Variants in LRRK1 observed in about 807,000 individuals in gnomAD.
LRRK1 encodes the protein leucine rich repeat kinase 1, also known as leucine-rich repeat serine/threonine-protein kinase 1.
A neutral mutation model predicts 209.1 loss-of-function variants in LRRK1; 113 were observed. That is an observed-to-expected ratio of 0.54 (90% CI 0.46 to 0.63). The LOEUF is 0.63. LRRK1 is among the 30% of genes least tolerant of loss of function. The pLI, the probability that LRRK1 is intolerant of heterozygous loss-of-function variation, is 0.00. For synonymous variants in LRRK1, 1,144 were observed against 1,099.7 expected (o/e 1.04, Z -0.80); for missense variants, 2,284 against 2,632.2 (o/e 0.87, Z 2.89).
intron 12 of LRRK1, 91 bp from the exon 13 acceptor site, chr15:101,020,961 AG>A (rs775895772): frequency 1.8e-4 from 253 of 1,430,614 alleles, no homozygotes; most frequent in Admixed American, 2.4e-4. Context: ...TGCCCTCTGG[AG>A]GTTGCATCAG....
intron 12 of LRRK1, among the ~76,000 whole-genome samples, chr15:101,019,599 T>C (rs964370277): frequency 3.3e-5 from 5 of 152,196 alleles, no homozygotes; most frequent in Non-Finnish European, 7.4e-5. Context: ...ACCATTGTTA[T>C]TGCAGCTACA....
intron 4 of LRRK1, among the ~76,000 whole-genome samples, chr15:100,987,207 A>G (rs1551465): frequency 0.32 from 47,902 of 151,712 alleles, 7,731 homozygotes; most frequent in East Asian, 0.5. Flanking sequence ...ATACAGGGCC[A>G]TCCTGACCCC....
rs749241785 is a variant in LRRK1 at position 101,014,443 on chromosome 15, C to T, written c.1532+15C>T. On this transcript the variant is annotated intron_variant, in intron 11 of 33. Coordinates refer to ENST00000388948, the MANE Select transcript of LRRK1 (RefSeq NM_024652.6). ...CAACTTGGCAAGTAAGCAGGGGCCT[C>T]TCCTCCCTGGCCAGTTCCAAAGCGT... is the stretch of plus-strand genomic sequence containing the variant. 2 of 1,559,830 alleles carry T rather than the reference C, an allele frequency of 1.3e-6. No homozygotes were observed. The highest frequency in any genetic ancestry group is 2.7e-5 in the African/African-American group (2 of 74,004).
At position 101,046,089 on chromosome 15, in the gene LRRK1, C is replaced by G. The variant is rs143276193; in HGVS notation, c.3072C>G (p.Pro1024=). The G allele has an allele frequency of 3.2e-4, 511 of 1,614,246 alleles. 1 individual carries two copies. The African/African-American group carries it at 6.3e-3, about 20-fold the overall frequency. Residue 1024 remains proline (P), a synonymous_variant, in exon 21 of 34, where the codon CCC becomes CCG. Transcript: ENST00000388948. ...GGGTATTTAAGATGAGCTTCGTTCC[C>G]GTTGGCTTCTGGCAAAGGTTTATAG... ...IQRVFKMSFV[P]VGFWQRFIAR... is the part of the protein sequence containing the mutation.
chr15:101,034,716 A>C (rs545815920), intron 20 of LRRK1, among the ~76,000 whole-genome samples: 1 of 152,258 alleles, frequency 6.6e-6, no homozygotes, highest in East Asian at 1.9e-4. Flanking sequence ...CTTTTTGCTC[A>C]GGATTGCTTT....
intron 2 of LRRK1, among the ~76,000 whole-genome samples, chr15:100,932,494 T>C (rs541850651): frequency 9.8e-5 from 15 of 152,340 alleles, no homozygotes; most frequent in African/African-American, 3.4e-4. Flanking sequence ...TTAGATTCTT[T>C]CTACCTTTTG....
rs748705944 is a variant in LRRK1 at position 101,068,837 on chromosome 15, A to C, written c.6037A>C (p.Lys2013Gln). The stretch of plus-strand genomic sequence containing the variant: ...GGGCCGGCTGGAGGCTTGCACTCGC[A>C]AGAGAAGGTAATTCCTGTGGAATGA... Reference protein sequence around the residue: ...ELGRLEACTRKRR With the variant: ...ELGRLEACTRQRR Residue 2013 changes from lysine to glutamine, a missense_variant, in exon 34 of 34, where the codon AAG becomes CAG. By Grantham distance (53) the Lys-to-Gln change is moderately conservative. This residue lies in a region of LRRK1 where 643 missense variants were observed against 695.9 expected (regional missense o/e 0.92). Coordinates refer to ENST00000388948, the MANE Select transcript of LRRK1 (RefSeq NM_024652.6). 1 of 1,600,498 alleles carries C rather than the reference A, an allele frequency of 6.2e-7. No homozygotes were observed. The highest frequency in any genetic ancestry group is 2.2e-5 in the East Asian group (1 of 44,724).
Position 101,022,380 on chromosome 15 carries a change from C to G in LRRK1, c.1853-3C>G. On this transcript the variant is annotated splice_region_variant and splice_polypyrimidine_tract_variant and intron_variant, in intron 14 of 33. Coordinates refer to ENST00000388948, the MANE Select transcript of LRRK1 (RefSeq NM_024652.6). The surrounding 1 kb of genome is among the most constrained non-coding windows in gnomAD (Gnocchi z 4.0). ...TACCCTTCCCCTTAATGATTTTGCA[C>G]AGGCCCCAAAGCAATGCTGTCTTAC... is the stretch of plus-strand genomic sequence containing the variant. The G allele has an allele frequency of 6.2e-7, 1 of 1,613,900 alleles. No homozygotes were observed. Among genetic ancestry groups the G allele is most frequent in the Non-Finnish European group, 8.5e-7 (1 of 1,179,736 alleles).
Position 100,973,396 on chromosome 15 carries a change from G to T in LRRK1, c.98-408G>T, listed in dbSNP as rs191749505. ...AAAGCGTCTGGATGTCCACACCCCC[G>T]GGAGGTGGCCTGTCTTTCCCCCGTG... On this transcript the variant is annotated intron_variant, in intron 2 of 33. Coordinates refer to ENST00000388948, the MANE Select transcript of LRRK1 (RefSeq NM_024652.6). Among the ~76,000 whole-genome samples the T allele has an allele frequency of 7.7e-4, 118 of 152,334 alleles. 1 individual carries two copies. The highest frequency in any genetic ancestry group is 6.8e-3 in the Middle Eastern group (2 of 292).
intron 2 of LRRK1, among the ~76,000 whole-genome samples, chr15:100,957,290 C>T (rs889395134): frequency 2.0e-5 from 3 of 152,134 alleles, no homozygotes; most frequent in African/African-American, 4.8e-5. Context: ...CATTGTTCTG[C>T]ATATGTCTGT....
chr15:101,066,491 T>G, intron 32 of LRRK1, 149 bp from the exon 33 acceptor site: 1 of 818,440 alleles, frequency 1.2e-6, no homozygotes, highest in Non-Finnish European at 2.0e-6. Flanking sequence ...TCCTCTGCTT[T>G]GAAGTCTGTC....
In LRRK1 at chr15:100,973,982, G is replaced by A. The variant is rs1017413594; in HGVS notation, c.261+15G>A. ...AGCTGGAAAAGGTAGGGGAGCGCCT[G>A]CCCCTGCGGCCACCCATGCAGCCCC... On this transcript the variant is annotated intron_variant, in intron 3 of 33. Coordinates refer to ENST00000388948, the MANE Select transcript of LRRK1 (RefSeq NM_024652.6). 9 of 1,245,670 alleles carry A rather than the reference G, an allele frequency of 7.2e-6. No homozygotes were observed. The African/African-American group carries it at 7.8e-5, about 11-fold the overall frequency. 77.2% of individuals were successfully genotyped at this position (1,245,670 alleles called of 1,614,324 possible). A position where few individuals can be genotyped will look rare whatever the true frequency, so the allele number is the denominator to read the frequency against.
At chr15:100,924,848 T>C in intron 2 of LRRK1, 119 bp downstream of exon 2, 1 of 655,500 alleles carries the variant, frequency 1.5e-6, no homozygotes, top group Non-Finnish European at 2.7e-6. Context: ...ATGTCCATCA[T>C]TTGGTGCTCT....
chr15:100,941,398 G>GTGTGTGTCTGTGTC (rs1567190932), intron 2 of LRRK1, among the ~76,000 whole-genome samples: 10 of 141,804 alleles, frequency 7.1e-5, no homozygotes, highest in East Asian at 2.0e-4. Flanking sequence ...CTCTGTGTGT[G>GTGTGTGTCTGTGTC]TCTGTGTGTG....
In LRRK1 at chr15:101,053,426, G is replaced by A. The variant is rs370356237; in HGVS notation, c.4054+6G>A. 1.0e-3 allele frequency: 1,605 copies of A among 1,568,586 alleles called. 2 individuals are homozygous for A. Among genetic ancestry groups the A allele is most frequent in the South Asian group, 1.3e-3 (112 of 88,220 alleles). ...GCTGTCCGAGAACGCCAGAGGTACC[G>A]CGGCGCGCCGCCCCACCCGGCCCCG... On this transcript the variant is annotated splice_donor_region_variant and intron_variant, in intron 26 of 33. Transcript: ENST00000388948.
intron 2 of LRRK1, among the ~76,000 whole-genome samples, chr15:100,956,455 C>CTTTTTCTTTTTTTTTCTTT: frequency 5.0e-5 from 3 of 60,534 alleles, no homozygotes; most frequent in East Asian, 4.7e-4. Flanking sequence ...TTTTTTTTTT[C>CTTTTTCTTTTTTTTTCTTT]TTTTTTTTTT....
chr15:101,068,684 G>A lies in LRRK1; in HGVS notation c.5884G>A (p.Ala1962Thr). Residue 1962 changes from alanine (A) to threonine (T), a missense_variant, in exon 34 of 34, where the codon GCT becomes ACT. Ala to Thr is a moderately conservative substitution (Grantham distance 58). Transcript: ENST00000388948. ...ELTPHGVLVD[A>T]AVVAKDTVVC... ...TTCTCTCTGCAGGGTGCTGGTGGAT[G>A]CTGCCGTGGTGGCAAAGGACACTGT... The A allele has an allele frequency of 6.3e-7, 1 of 1,599,594 alleles. No homozygotes were observed.
At chr15:101,064,151 G>C (rs2036379292) in intron 31 of LRRK1, among the ~76,000 whole-genome samples, 1 of 152,286 alleles carries the variant, frequency 6.6e-6, no homozygotes, top group Non-Finnish European at 1.5e-5. Context: ...CAGGACTGCA[G>C]ATAGAGACCT....
rs370496273 is a variant in LRRK1 at position 100,962,820 on chromosome 15, T to TACACATATATATATATAC, written c.98-10983_98-10982insCACATATATATATATACA. On this transcript the variant is annotated intron_variant, in intron 2 of 33. Transcript: ENST00000388948. ...ATATATATATATATATATATATATA[T>TACACATATATATATATAC]ATATTTTTTTTTTTTTTTTTGAGAT... Among the ~76,000 whole-genome samples, 20 of 27,474 alleles carry TACACATATATATATATAC rather than the reference T, an allele frequency of 7.3e-4. 1 individual carries two copies. Among genetic ancestry groups the TACACATATATATATATAC allele is most frequent in the African/African-American group, 1.3e-3 (10 of 7,792 alleles). 18.0% of individuals were successfully genotyped at this position (27,474 alleles called of 152,430 possible). A position where few individuals can be genotyped will look rare whatever the true frequency, so the allele number is the denominator to read the frequency against.
Sources: allele counts gnomAD v4.1 joint callset (sites outside exome capture counted in the v4.1 genomes callset), GRCh38; gene constraint gnomAD v4.1.1; regional missense constraint gnomAD v4.1.1; non-coding constraint Gnocchi (gnomAD v3.1); transcripts MANE v1.5; gene names NCBI Gene and HGNC (gene_info 2026-07-23, HGNC 2026-07-21).